The following SPAG16 variants were observed in gnomAD, a reference collection of about 807,000 sequenced individuals.
The protein encoded by SPAG16 is sperm-associated antigen 16 protein.
Under a neutral mutation model 80.4 loss-of-function variants are expected in SPAG16, and 86 were observed. The observed-to-expected ratio is 1.07, with a 90% CI of 0.90 to 1.28. The LOEUF (loss-of-function observed/expected upper bound fraction) is 1.28, where lower values mean the gene tolerates loss of function less well. Among genes scored for constraint, SPAG16 ranks in the 50% most tolerant of loss-of-function variants. SPAG16 has a pLI of 0.00. For synonymous variants in SPAG16, 294 were observed against 265.9 expected, an observed-to-expected ratio of 1.11 and a Z score of -1.03; for missense variants, 870 against 765.3, an observed-to-expected ratio of 1.14 and a Z score of -1.61.
At chr2:213,697,491 A>T (rs1009811418) in intron 10 of SPAG16, among the ~76,000 whole-genome samples, 1 of 152,194 alleles carries the variant, frequency 6.6e-6, no homozygotes, top group East Asian at 1.9e-4. Flanking sequence ...ATGACAAAAG[A>T]GACTTTGCAG....
chr2:214,105,207 G>C (rs1349209260), intron 13 of SPAG16, among the ~76,000 whole-genome samples: 1 of 152,054 alleles, frequency 6.6e-6, no homozygotes, highest in East Asian at 1.9e-4. Flanking sequence ...AGAACAAACA[G>C]CACCCATGTC....
intron 15 of SPAG16, among the ~76,000 whole-genome samples, chr2:214,324,623 T>G (rs1427410785): frequency 6.6e-6 from 1 of 152,158 alleles, no homozygotes; most frequent in Non-Finnish European, 1.5e-5. Context: ...TTTTGGTGAC[T>G]TGCCAACCCA....
chr2:213,749,487 G>A (rs2067986255), intron 10 of SPAG16, among the ~76,000 whole-genome samples: 1 of 152,182 alleles, frequency 6.6e-6, no homozygotes, highest in Non-Finnish European at 1.5e-5. Flanking sequence ...GACAAGGGCA[G>A]ATAACTGATG....
At chr2:214,189,403 T>C (rs2057585633) in intron 15 of SPAG16, among the ~76,000 whole-genome samples, 1 of 152,250 alleles carries the variant, frequency 6.6e-6, no homozygotes, top group Non-Finnish European at 1.5e-5. Context: ...GGTTTATCAT[T>C]GTCTCTGCCA....
At chr2:213,507,052 A>G (rs760793862) in intron 10 of SPAG16, among the ~76,000 whole-genome samples, 2 of 152,210 alleles carry the variant, frequency 1.3e-5, no homozygotes, top group Non-Finnish European at 2.9e-5. Flanking sequence ...TTGACTAATC[A>G]AATTAAGTGC....
intron 12 of SPAG16, among the ~76,000 whole-genome samples, chr2:214,011,160 C>T (rs2047263604): frequency 6.9e-6 from 1 of 145,154 alleles, no homozygotes; most frequent in Non-Finnish European, 1.5e-5. Flanking sequence ...TCCCACCTCA[C>T]CTCTCTGTCT....
At chr2:213,497,682 A>G (rs1440634881) in intron 10 of SPAG16, among the ~76,000 whole-genome samples, 1 of 152,146 alleles carries the variant, frequency 6.6e-6, no homozygotes, top group Non-Finnish European at 1.5e-5. Flanking sequence ...AATTATATAT[A>G]GCAATTATGT....
In SPAG16 at chr2:213,976,135, T is replaced by TATACACAC. The variant is rs749957411; in HGVS notation, c.1401-37815_1401-37814insTACACACA. Among the ~76,000 whole-genome samples the TATACACAC allele has an allele frequency of 2.9e-3, 233 of 81,392 alleles. 1 individual carries two copies. The highest frequency in any genetic ancestry group is 7.9e-3 in the African/African-American group (208 of 26,424). 53.4% of individuals were successfully genotyped at this position (81,392 alleles called of 152,430 possible). A position where few individuals can be genotyped will look rare whatever the true frequency, so the allele number is the denominator to read the frequency against. On this transcript the variant is annotated intron_variant, in intron 12 of 15. Coordinates refer to ENST00000331683, the MANE Select transcript of SPAG16 (RefSeq NM_024532.5). ...ATATATATATATATATATATATATA[T>TATACACAC]ACACACACACACACACACACGTATG...
intron 13 of SPAG16, among the ~76,000 whole-genome samples, chr2:214,064,386 T>G (rs2050431969): frequency 6.6e-6 from 1 of 152,082 alleles, no homozygotes; most frequent in Non-Finnish European, 1.5e-5. Flanking sequence ...TTGGGAGCAA[T>G]TATTCTCTTG....
intron 13 of SPAG16, among the ~76,000 whole-genome samples, chr2:214,069,261 AG>A (rs2050674770): frequency 1.3e-5 from 2 of 152,254 alleles, no homozygotes; most frequent in East Asian, 1.9e-4. Context: ...GGCCATTGAA[AG>A]GGTTTAATTT....
At chr2:214,244,793 A>T (rs556082025) in intron 15 of SPAG16, among the ~76,000 whole-genome samples, 1 of 152,126 alleles carries the variant, frequency 6.6e-6, no homozygotes, top group Non-Finnish European at 1.5e-5. Flanking sequence ...GCTGATTATT[A>T]TACTTTCATT....
chr2:213,732,611 A>T (rs972629981), intron 10 of SPAG16, among the ~76,000 whole-genome samples: 1 of 152,130 alleles, frequency 6.6e-6, no homozygotes, highest in African/African-American at 2.4e-5. Flanking sequence ...GAAAAATGTC[A>T]TGGTAGTTTA....
intron 10 of SPAG16, among the ~76,000 whole-genome samples, chr2:213,834,451 A>C: frequency 6.6e-6 from 1 of 152,204 alleles, no homozygotes; most frequent in East Asian, 1.9e-4. Context: ...TATTAAACTA[A>C]GTGGAGTTTA....
intron 10 of SPAG16, among the ~76,000 whole-genome samples, chr2:213,533,748 A>G (rs539195524): frequency 4.6e-5 from 7 of 152,222 alleles, no homozygotes; most frequent in African/African-American, 1.7e-4. Flanking sequence ...GGAAGAAATA[A>G]TATCTATATA....
intron 10 of SPAG16, among the ~76,000 whole-genome samples, chr2:213,492,186 A>C (rs527334126): frequency 7.4e-6 from 1 of 135,832 alleles, no homozygotes; most frequent in East Asian, 1.9e-4. Flanking sequence ...ACCAGTCCTT[A>C]ACTAGACATA....
intron 10 of SPAG16, among the ~76,000 whole-genome samples, chr2:213,700,881 TCA>T (rs1351983194): frequency 1.3e-5 from 2 of 152,204 alleles, no homozygotes; most frequent in African/African-American, 4.8e-5. Context: ...GCGTGGTGGC[TCA>T]CACATATAAT....
intron 9 of SPAG16, among the ~76,000 whole-genome samples, chr2:213,384,683 A>G (rs2067335074): frequency 6.6e-6 from 1 of 152,118 alleles, no homozygotes; most frequent in South Asian, 2.1e-4. Context: ...TTTCGTCAGG[A>G]AGTTCTGTGT....
At chr2:213,986,000 T>G (rs1336358607) in intron 12 of SPAG16, among the ~76,000 whole-genome samples, 1 of 152,048 alleles carries the variant, frequency 6.6e-6, no homozygotes, top group African/African-American at 2.4e-5. Flanking sequence ...AAGGAGTTGT[T>G]TTTTGCACTG....
At chr2:214,394,364 C>A (rs1219631000) in intron 15 of SPAG16, among the ~76,000 whole-genome samples, 1 of 151,948 alleles carries the variant, frequency 6.6e-6, no homozygotes, top group African/African-American at 2.4e-5. Context: ...TGAGTTATTT[C>A]ATTTACTTAA....
Sources: gnomAD v4.1 joint callset for allele counts (sites outside exome capture counted in the v4.1 genomes callset) on GRCh38, gnomAD v4.1.1 for gene constraint, MANE v1.5 for transcripts, NCBI Gene and HGNC (gene_info 2026-07-23, HGNC 2026-07-21) for gene names.